OPCML: variants seen among roughly 807,000 people sequenced by gnomAD.
OPCML encodes the protein opioid-binding protein/cell adhesion molecule.
A neutral mutation model predicts 37.8 loss-of-function variants in OPCML; 13 were observed. The observed-to-expected ratio is 0.34, with a 90% CI of 0.22 to 0.55. OPCML has a LOEUF of 0.55. Among genes scored for constraint, OPCML ranks in the 20% least tolerant of loss-of-function variants. The probability of loss-of-function intolerance (pLI) is 0.91; values close to 1 mark genes in which losing one functional copy is unlikely to be tolerated. For missense variants in OPCML, 341 were observed against 435.6 expected, an observed-to-expected ratio of 0.78 and a Z score of 1.93; for synonymous variants, 176 against 168.8, an observed-to-expected ratio of 1.04 and a Z score of -0.33.
chr11:133,340,303 C>G (rs1943835802), intron 1 of OPCML, among the ~76,000 whole-genome samples: 1 of 152,134 alleles, frequency 6.6e-6, no homozygotes, highest in Non-Finnish European at 1.5e-5. Context: ...GAATGCTGAC[C>G]AGTTGTGATT....
At chr11:132,568,817 C>A (rs2094404780) in intron 3 of OPCML, among the ~76,000 whole-genome samples, 1 of 152,124 alleles carries the variant, frequency 6.6e-6, no homozygotes, top group South Asian at 2.1e-4. Flanking sequence ...CCATTAAAAT[C>A]CATTTATTTA....
At chr11:132,847,910 G>A (rs1941624755) in intron 2 of OPCML, among the ~76,000 whole-genome samples, 1 of 152,142 alleles carries the variant, frequency 6.6e-6, no homozygotes, top group African/African-American at 2.4e-5. Context: ...AATCAGTCAA[G>A]AGAGTTCTGT....
At chr11:132,879,714 G>T (rs573402068) in intron 2 of OPCML, among the ~76,000 whole-genome samples, 1 of 152,246 alleles carries the variant, frequency 6.6e-6, no homozygotes, top group Middle Eastern at 3.4e-3. Flanking sequence ...CTCAGCAAGC[G>T]CATAATGAAT....
At chr11:133,035,921 C>T (rs535481069) in intron 1 of OPCML, among the ~76,000 whole-genome samples, 2 of 82,190 alleles carry the variant, frequency 2.4e-5, no homozygotes, top group Middle Eastern at 6.1e-3. Flanking sequence ...AAAAGAGAGG[C>T]CTCGGAGAAA....
intron 2 of OPCML, among the ~76,000 whole-genome samples, chr11:132,908,070 G>A (rs1159405414): frequency 6.6e-6 from 1 of 152,140 alleles, no homozygotes; most frequent in Non-Finnish European, 1.5e-5. Flanking sequence ...AAAAGAAGTT[G>A]ATGGTCACCA....
At position 133,205,260 on chromosome 11, in the gene OPCML, T is replaced by C. The variant is rs902221526; in HGVS notation, c.62-262250A>G. Among the ~76,000 whole-genome samples, 1 of 152,114 alleles carries C rather than the reference T, an allele frequency of 6.6e-6. No individual in the cohort carries two copies. The highest frequency in any genetic ancestry group is 1.5e-5 in the Non-Finnish European group (1 of 68,008). On this transcript the variant is annotated intron_variant, in intron 1 of 7. Coordinates refer to ENST00000524381, the MANE Select transcript of OPCML (RefSeq NM_001012393.5). The surrounding 1 kb of genome is among the most constrained non-coding windows in gnomAD (Gnocchi z 4.8). ...TGGTTGCTGAACACTGGTAGGTTCCTTGAGGGTGGTGCTCTGGAAGAGGGC... is the reference window on the plus strand; with the variant it reads ...TGGTTGCTGAACACTGGTAGGTTCCCTGAGGGTGGTGCTCTGGAAGAGGGC...
chr11:133,240,614 C>T (rs1186367091), intron 1 of OPCML, among the ~76,000 whole-genome samples: 1 of 152,300 alleles, frequency 6.6e-6, no homozygotes, highest in Admixed American at 6.5e-5. Context: ...ATAAAGAATG[C>T]TCTTTTACAT....
At chr11:133,475,483 A>G (rs953299041) in intron 1 of OPCML, among the ~76,000 whole-genome samples, 3 of 152,156 alleles carry the variant, frequency 2.0e-5, no homozygotes, top group Admixed American at 6.5e-5. Context: ...TGGACCTTCC[A>G]AACAAGAAGC....
At chr11:133,308,173 T>C (rs1942973767) in intron 1 of OPCML, among the ~76,000 whole-genome samples, 1 of 152,090 alleles carries the variant, frequency 6.6e-6, no homozygotes, top group Admixed American at 6.5e-5. Flanking sequence ...ATGTGAAAAA[T>C]GTATCCAAGG....
intron 2 of OPCML, among the ~76,000 whole-genome samples, chr11:132,741,267 T>G (rs1945425023): frequency 2.0e-5 from 3 of 152,216 alleles, no homozygotes; most frequent in Non-Finnish European, 4.4e-5. Flanking sequence ...TATCCCATCA[T>G]CAGGTACCTC....
At chr11:132,914,890 G>C (rs908170924) in intron 2 of OPCML, among the ~76,000 whole-genome samples, 1 of 152,184 alleles carries the variant, frequency 6.6e-6, no homozygotes, top group Non-Finnish European at 1.5e-5. Flanking sequence ...CTTTGTGTGA[G>C]AGCTCCTGAT....
At chr11:132,904,808 G>T (rs779384601) in intron 2 of OPCML, among the ~76,000 whole-genome samples, 5 of 152,198 alleles carry the variant, frequency 3.3e-5, no homozygotes, top group Non-Finnish European at 7.3e-5. Flanking sequence ...GGTAATTAGA[G>T]CTGTGTGTGG....
intron 3 of OPCML, among the ~76,000 whole-genome samples, chr11:132,654,030 A>G (rs1211086788): frequency 6.6e-6 from 1 of 152,154 alleles, no homozygotes; most frequent in African/African-American, 2.4e-5. Context: ...CTTTAAGAGG[A>G]TTAGGAAACT....
chr11:133,516,281 A>C (rs1348824881), intron 1 of OPCML, among the ~76,000 whole-genome samples: 1 of 152,184 alleles, frequency 6.6e-6, no homozygotes, highest in East Asian at 1.9e-4. Context: ...ACCTGACTTG[A>C]TATCTCCACT....
rs142176394 is a variant in OPCML at position 133,227,079 on chromosome 11, TA to T, written c.62-284070del. On this transcript the variant is annotated intron_variant, in intron 1 of 7. Coordinates refer to ENST00000524381, the MANE Select transcript of OPCML (RefSeq NM_001012393.5). ...ACCTGTTTCAAGGAGACCGTCGTGT[TA>T]GGGGGGGGTGCTGTCCTCACCAGCC... Among the ~76,000 whole-genome samples, 932 of 152,252 alleles carry T rather than the reference TA, an allele frequency of 6.1e-3. 11 individuals carry two copies. Among genetic ancestry groups the T allele is most frequent in the African/African-American group, 0.019 (794 of 41,544 alleles).
intron 2 of OPCML, among the ~76,000 whole-genome samples, chr11:132,733,924 C>A (rs1945168375): frequency 6.6e-6 from 1 of 152,158 alleles, no homozygotes; most frequent in Admixed American, 6.5e-5. Flanking sequence ...GAGTTAAAAT[C>A]TCAAGATTTT....
intron 3 of OPCML, among the ~76,000 whole-genome samples, chr11:132,591,181 C>G (rs1565691277): frequency 6.6e-6 from 1 of 151,902 alleles, no homozygotes; most frequent in African/African-American, 2.4e-5. Flanking sequence ...ACAATCATCG[C>G]CCCCCTTTGG....
chr11:133,116,215 C>T (rs1043083544), intron 1 of OPCML, among the ~76,000 whole-genome samples: 1 of 152,200 alleles, frequency 6.6e-6, no homozygotes, highest in Non-Finnish European at 1.5e-5. Context: ...GATACACCCG[C>T]CTCGGCCTCC....
chr11:132,539,801 G>C (rs1326497230), intron 3 of OPCML, among the ~76,000 whole-genome samples: 7 of 152,054 alleles, frequency 4.6e-5, no homozygotes, highest in Non-Finnish European at 8.8e-5. Flanking sequence ...TGACGGTAAT[G>C]ATGATGGTGA....
Sources: gnomAD v4.1 joint callset for allele counts (sites outside exome capture counted in the v4.1 genomes callset) on GRCh38, gnomAD v4.1.1 for gene constraint, Gnocchi (gnomAD v3.1) non-coding constraint, MANE v1.5 for transcripts, NCBI Gene and HGNC (gene_info 2026-07-23, HGNC 2026-07-21) for gene names.